Variants in GPRC5A observed in about 807,000 individuals in gnomAD.
GPRC5A encodes G protein-coupled receptor class C group 5 member A.
A neutral mutation model predicts 22.5 loss-of-function variants in GPRC5A; 19 were observed. That is an observed-to-expected ratio of 0.85 (90% CI 0.59 to 1.24). The LOEUF (loss-of-function observed/expected upper bound fraction) is 1.24. GPRC5A is among the 50% of genes most tolerant of loss of function. The pLI, the probability that GPRC5A is intolerant of heterozygous loss-of-function variation, is 0.00. For synonymous variants in GPRC5A, 192 were observed against 184.5 expected, an observed-to-expected ratio of 1.04 and a Z score of -0.33; for missense variants, 471 against 451.1, an observed-to-expected ratio of 1.04 and a Z score of -0.40.
At chr12:12,911,074 TC>T (rs1863998884) in intron 2 of GPRC5A, among the ~76,000 whole-genome samples, 1 of 152,106 alleles carries the variant, frequency 6.6e-6, no homozygotes, top group Non-Finnish European at 1.5e-5. Flanking sequence ...GGTTTCACCA[TC>T]TTGGCCAGGC....
intron 1 of GPRC5A, among the ~76,000 whole-genome samples, chr12:12,892,815 G>T (rs542375920): frequency 6.6e-6 from 1 of 152,116 alleles, no homozygotes; most frequent in Non-Finnish European, 1.5e-5. Context: ...CCTGTTGAAG[G>T]GTTCGGCCGA....
chr12:12,915,985 C>T lies in GPRC5A; in HGVS notation c.*3446C>T, dbSNP rs767944988. The T allele has an allele frequency of 9.7e-6, 4 of 410,310 alleles. No individual in the cohort carries two copies. Among genetic ancestry groups the T allele is most frequent in the Non-Finnish European group, 2.1e-5 (4 of 194,936 alleles). 25.4% of individuals were successfully genotyped at this position (410,310 alleles called of 1,614,324 possible). A position where few individuals can be genotyped will look rare whatever the true frequency, so the allele number is the denominator to read the frequency against. The stretch of plus-strand genomic sequence containing the variant: ...GCTGTTAACTCATCTTCAGGTCTCA[C>T]ACCTTCTGCACATAAATAAGCTATT... On this transcript the variant is annotated 3_prime_UTR_variant, in exon 4 of 4. Coordinates refer to ENST00000014914, the MANE Select transcript of GPRC5A (RefSeq NM_003979.4).
Position 12,909,042 on chromosome 12 carries a change from T to G in GPRC5A, c.793T>G (p.Phe265Val), listed in dbSNP as rs748612308. ...VFLLAYVSPE[F>V]WLLTKQRNPM... ...CCTGTTGGCTTATGTTAGTCCCGAG[T>G]TTTGGCTGCTCACAAAGCAACGAAA... The change falls in exon 2 of 4, where the codon TTT becomes GTT. Residue 265 changes from phenylalanine (F) to valine (V), a missense_variant. Transcript: ENST00000014914. The G allele has an allele frequency of 5.0e-6, 8 of 1,612,250 alleles. No individual in the cohort carries two copies. The highest frequency in any genetic ancestry group is 6.8e-6 in the Non-Finnish European group (8 of 1,179,974).
chr12:12,902,305 A>C (rs1407087476), intron 1 of GPRC5A, among the ~76,000 whole-genome samples: 1 of 152,062 alleles, frequency 6.6e-6, no homozygotes, highest in African/African-American at 2.4e-5. Flanking sequence ...GATAATTCCA[A>C]ACTAATTAGT....
In GPRC5A at chr12:12,914,549, C is replaced by CCTTTCTTCCTTCTTTCTTTCTTTCTTTCT. The variant is rs1864038382; in HGVS notation, c.*2010_*2011insCTTTCTTCCTTCTTTCTTTCTTTCTTTCT. 1 of 50,532 alleles carries CCTTTCTTCCTTCTTTCTTTCTTTCTTTCT rather than the reference C, an allele frequency of 2.0e-5. No individual in the cohort carries two copies. 3.1% of individuals were successfully genotyped at this position (50,532 alleles called of 1,614,324 possible). A position where few individuals can be genotyped will look rare whatever the true frequency, so the allele number is the denominator to read the frequency against. ...CTCTCTTTCCTTCCTTCCTTCCTTT[C>CCTTTCTTCCTTCTTTCTTTCTTTCTTTCT]TTCTTTCTTTCTTTCTTTCTTTCTT... On this transcript the variant is annotated 3_prime_UTR_variant, in exon 4 of 4. Coordinates refer to ENST00000014914, the MANE Select transcript of GPRC5A (RefSeq NM_003979.4).
At position 12,911,634 on chromosome 12, in the gene GPRC5A, G is replaced by T. The variant is rs1435780225; in HGVS notation, c.923-450G>T. ...CTCCCGAGTAGCTGGGACTACAGGT[G>T]CCCGCCACCACGCCTGGCTAATTTT... On this transcript the variant is annotated intron_variant, in intron 2 of 3. Coordinates refer to ENST00000014914, the MANE Select transcript of GPRC5A (RefSeq NM_003979.4). Among the ~76,000 whole-genome samples, 7 of 151,920 alleles carry T rather than the reference G, an allele frequency of 4.6e-5. 1 individual carries two copies. The highest frequency in any genetic ancestry group is 3.3e-4 in the Admixed American group (5 of 15,250).
chr12:12,900,325 C>T (rs886928166), intron 1 of GPRC5A, among the ~76,000 whole-genome samples: 1 of 152,200 alleles, frequency 6.6e-6, no homozygotes, highest in Admixed American at 6.5e-5. Flanking sequence ...GTACATGAAG[C>T]TCCCCAGGTG....
chr12:12,909,391 C>T (rs1037477379), intron 2 of GPRC5A: 2 of 504,654 alleles, frequency 4.0e-6, no homozygotes, highest in African/African-American at 3.8e-5. Context: ...GTACTTTGTA[C>T]AATTGGTGTA....
At chr12:12,893,018 G>A (rs1863780089) in intron 1 of GPRC5A, among the ~76,000 whole-genome samples, 2 of 152,200 alleles carry the variant, frequency 1.3e-5, no homozygotes, top group East Asian at 3.8e-4. Context: ...GGAAACAAGG[G>A]ACCTCTCCAA....
intron 2 of GPRC5A, 85 bp downstream of exon 2, chr12:12,909,256 C>T: frequency 1.0e-6 from 1 of 963,612 alleles, no homozygotes; most frequent in Non-Finnish European, 1.5e-6. Flanking sequence ...AAGGAACATG[C>T]AAGATTTTCC....
intron 1 of GPRC5A, among the ~76,000 whole-genome samples, chr12:12,905,084 C>T (rs1339541584): frequency 6.6e-6 from 1 of 152,114 alleles, no homozygotes; most frequent in East Asian, 1.9e-4. Context: ...AGGGTTTCGC[C>T]ATGTTGGCCA....
Position 12,912,805 on chromosome 12 carries a change from C to A in GPRC5A, c.*266C>A. On this transcript the variant is annotated 3_prime_UTR_variant, in exon 4 of 4. Transcript: ENST00000014914. ...TTTTAAGTGGGAGTCTCAGGCAACT[C>A]AAGTTTAGACCCTTACTCTTTTTGT... The A allele has an allele frequency of 2.3e-6, 1 of 442,062 alleles. No homozygotes were observed. Among genetic ancestry groups the A allele is most frequent in the Non-Finnish European group, 4.0e-6 (1 of 250,930 alleles). 27.4% of individuals were successfully genotyped at this position (442,062 alleles called of 1,614,324 possible).
At chr12:12,911,145 A>C (rs1309459021) in intron 2 of GPRC5A, among the ~76,000 whole-genome samples, 1 of 152,140 alleles carries the variant, frequency 6.6e-6, no homozygotes, top group Non-Finnish European at 1.5e-5. Context: ...TGCTGGGATT[A>C]CAGGCATGAG....
chr12:12,908,573 C>T lies in GPRC5A; in HGVS notation c.324C>T (p.Cys108=). ...TCTTTGGGATCCTCTTTTCCATCTG[C>T]TTCTCCTGCCTGCTGGCTCATGCTG... ...FFLFGILFSI[C]FSCLLAHAVS... is the part of the protein sequence containing the mutation. Residue 108 remains cysteine, a synonymous_variant, in exon 2 of 4, where the codon TGC becomes TGT. Coordinates refer to ENST00000014914, the MANE Select transcript of GPRC5A (RefSeq NM_003979.4). 1 of 1,614,186 alleles carries T rather than the reference C, an allele frequency of 6.2e-7. No individual in the cohort carries two copies. Among genetic ancestry groups the T allele is most frequent in the Non-Finnish European group, 8.5e-7 (1 of 1,180,014 alleles).
chr12:12,900,918 A>C (rs1223378560), intron 1 of GPRC5A, among the ~76,000 whole-genome samples: 1 of 143,106 alleles, frequency 7.0e-6, no homozygotes, highest in East Asian at 2.0e-4. Context: ...AAAAAACAAA[A>C]AAAAAACAAC....
intron 1 of GPRC5A, among the ~76,000 whole-genome samples, chr12:12,900,138 C>A (rs1170165998): frequency 6.6e-6 from 1 of 152,228 alleles, no homozygotes; most frequent in Non-Finnish European, 1.5e-5. Flanking sequence ...CCAGGAGCCT[C>A]TGGCTTTGTC....
At chr12:12,893,264 G>T (rs1348921428) in intron 1 of GPRC5A, among the ~76,000 whole-genome samples, 1 of 152,148 alleles carries the variant, frequency 6.6e-6, no homozygotes, top group Non-Finnish European at 1.5e-5. Flanking sequence ...TGCACACGTC[G>T]CCTTGGAAGT....
chr12:12,908,734 T>C lies in GPRC5A; in HGVS notation c.485T>C (p.Val162Ala), dbSNP rs751162548. 7 of 1,614,148 alleles carry C rather than the reference T, an allele frequency of 4.3e-6. No individual in the cohort carries two copies. The highest frequency in any genetic ancestry group is 5.9e-6 in the Non-Finnish European group (7 of 1,179,990). Residue 162 changes from valine (V) to alanine (A), a missense_variant, in exon 2 of 4, where the codon GTC becomes GCC. Val to Ala is a moderately conservative substitution (Grantham distance 64, BLOSUM62 0). Coordinates refer to ENST00000014914, the MANE Select transcript of GPRC5A (RefSeq NM_003979.4). ...GTCCTGACCATGAATAGGACCAACG[T>C]CAATGTCTTTTCTGAGCTTTCCGCT... ...YIVLTMNRTN[V>A]NVFSELSAPR...
At chr12:12,911,021 C>T (rs907893384) in intron 2 of GPRC5A, among the ~76,000 whole-genome samples, 1 of 151,952 alleles carries the variant, frequency 6.6e-6, no homozygotes, top group Non-Finnish European at 1.5e-5. Context: ...CAGACGTGCA[C>T]CATTATGCCC....
Sources: allele counts gnomAD v4.1 joint callset (sites outside exome capture counted in the v4.1 genomes callset), GRCh38; gene constraint gnomAD v4.1.1; transcripts MANE v1.5; gene names NCBI Gene and HGNC (gene_info 2026-07-23, HGNC 2026-07-21).